F13A1: variants seen among roughly 807,000 people sequenced by gnomAD.
F13A1 encodes coagulation factor XIII A chain.
A neutral mutation model predicts 80.1 loss-of-function variants in F13A1; 47 were observed. The ratio of observed to expected loss-of-function variants is 0.59; its 90% CI spans 0.46 to 0.75. The LOEUF is 0.75. F13A1 is among the 30% of genes least tolerant of loss of function. The pLI is 0.00. For missense variants in F13A1, 817 were observed against 930.4 expected, an observed-to-expected ratio of 0.88 and a Z score of 1.59; for synonymous variants, 349 against 344.9, an observed-to-expected ratio of 1.01 and a Z score of -0.13.
chr6:6,232,725 G>T lies in F13A1; in HGVS notation c.799-7865C>A, dbSNP rs116456492. Among the ~76,000 whole-genome samples, 980 of 152,098 alleles carry T rather than the reference G, an allele frequency of 6.4e-3. 10 individuals are homozygous for T. Among genetic ancestry groups the T allele is most frequent in the African/African-American group, 0.022 (918 of 41,532 alleles). ...AGCCATAAAATGTGCTTCAATAAAT[G>T]TAAGAAAATTGGAATTATATCAAGC... On this transcript the variant is annotated intron_variant, in intron 6 of 14. Transcript: ENST00000264870.
intron 10 of F13A1, among the ~76,000 whole-genome samples, chr6:6,190,922 C>T (rs192642463): frequency 8.9e-4 from 136 of 152,294 alleles, no homozygotes; most frequent in Non-Finnish European, 1.7e-3. Flanking sequence ...GATATAATCT[C>T]GTGGTGCGCC....
intron 2 of F13A1, among the ~76,000 whole-genome samples, chr6:6,307,061 A>T (rs544262540): frequency 3.3e-5 from 5 of 152,196 alleles, no homozygotes; most frequent in Admixed American, 3.3e-4. Context: ...CAGAATCTGA[A>T]TTTTCTTATT....
At chr6:6,168,417 C>T (rs1205185606) in intron 12 of F13A1, among the ~76,000 whole-genome samples, 1 of 152,096 alleles carries the variant, frequency 6.6e-6, no homozygotes, top group East Asian at 1.9e-4. Context: ...TCTCTAACTC[C>T]CATTTCCCAC....
chr6:6,314,023 C>T (rs1412287835), intron 2 of F13A1, among the ~76,000 whole-genome samples: 1 of 140,072 alleles, frequency 7.1e-6, no homozygotes, highest in Non-Finnish European at 1.5e-5. Context: ...GTCTTATCGC[C>T]CAGGCTGGAG....
At chr6:6,185,190 T>G (rs1358388516) in intron 10 of F13A1, among the ~76,000 whole-genome samples, 2 of 151,810 alleles carry the variant, frequency 1.3e-5, no homozygotes, top group African/African-American at 4.8e-5. Flanking sequence ...GCAGGTTAGT[T>G]ACATATGTAT....
At chr6:6,150,472 A>T (rs61472364) in intron 14 of F13A1, among the ~76,000 whole-genome samples, 13,633 of 152,274 alleles carry the variant, frequency 0.09, 640 homozygotes, top group Middle Eastern at 0.15. Flanking sequence ...ATCTGCAATA[A>T]GGCATCTCTT....
At chr6:6,296,352 A>G (rs1485604643) in intron 3 of F13A1, among the ~76,000 whole-genome samples, 7 of 147,952 alleles carry the variant, frequency 4.7e-5, no homozygotes, top group Admixed American at 4.7e-4. Flanking sequence ...GGCCATTTTC[A>G]CGATATTGAT....
At chr6:6,180,533 C>T (rs76261131) in intron 11 of F13A1, among the ~76,000 whole-genome samples, 5,855 of 152,234 alleles carry the variant, frequency 0.038, 138 homozygotes, top group South Asian at 0.064. Context: ...TTTTTTGTTT[C>T]TCCAAACCTT....
At chr6:6,271,841 A>C (rs950274903) in intron 3 of F13A1, among the ~76,000 whole-genome samples, 4 of 152,208 alleles carry the variant, frequency 2.6e-5, no homozygotes, top group African/African-American at 9.6e-5. Flanking sequence ...CTATATTCGA[A>C]TGTCTCATTG....
intron 12 of F13A1, among the ~76,000 whole-genome samples, chr6:6,173,081 C>T (rs1381911043): frequency 3.3e-5 from 5 of 152,172 alleles, no homozygotes; most frequent in Non-Finnish European, 5.9e-5. Context: ...TATCGAGGTC[C>T]TTTGCAACCT....
At chr6:6,155,556 C>T (rs970077077) in intron 13 of F13A1, among the ~76,000 whole-genome samples, 3 of 152,022 alleles carry the variant, frequency 2.0e-5, no homozygotes, top group East Asian at 1.9e-4. Flanking sequence ...TCTCCTGCAC[C>T]GAGAATGTAA....
At chr6:6,214,380 C>G (rs1761681534) in intron 8 of F13A1, among the ~76,000 whole-genome samples, 1 of 149,466 alleles carries the variant, frequency 6.7e-6, no homozygotes, top group South Asian at 2.1e-4. Context: ...GAATCTCACT[C>G]AAAACCGCTC....
At position 6,289,496 on chromosome 6, in the gene F13A1, GT is replaced by G. The variant is rs539543470; in HGVS notation, c.319+15854del. Among the ~76,000 whole-genome samples, 9 of 150,694 alleles carry G rather than the reference GT, an allele frequency of 6.0e-5. No individual in the cohort carries two copies. In the South Asian group the frequency reaches 1.7e-3, roughly 28 times the overall value. ...CTTCTAGTTATAGAAGTAAACATAA[GT>G]TCCTTTGGGGGAAAAAAAGGAGGGG... On this transcript the variant is annotated intron_variant, in intron 3 of 14. Coordinates refer to ENST00000264870, the MANE Select transcript of F13A1 (RefSeq NM_000129.4).
chr6:6,237,543 T>C (rs926777213), intron 6 of F13A1, among the ~76,000 whole-genome samples: 14 of 152,190 alleles, frequency 9.2e-5, no homozygotes, highest in African/African-American at 3.4e-4. Context: ...TCTCGCTCCC[T>C]GGAATGTCCA....
intron 14 of F13A1, among the ~76,000 whole-genome samples, chr6:6,150,705 G>A (rs987558902): frequency 2.6e-5 from 4 of 152,110 alleles, no homozygotes; most frequent in Admixed American, 2.6e-4. Flanking sequence ...TGCCTTAGAA[G>A]GTCACTCCAC....
intron 3 of F13A1, among the ~76,000 whole-genome samples, chr6:6,288,447 T>C (rs1319184600): frequency 6.6e-6 from 1 of 152,226 alleles, no homozygotes; most frequent in East Asian, 1.9e-4. Flanking sequence ...GCCTGGCTTA[T>C]TTCAGTTAGC....
intron 6 of F13A1, among the ~76,000 whole-genome samples, chr6:6,230,723 A>G (rs1267838): frequency 0.56 from 85,327 of 152,060 alleles, 26,160 homozygotes; most frequent in African/African-American, 0.82. Flanking sequence ...AATAGGCGCT[A>G]TTCCGGTGGC....
intron 3 of F13A1, among the ~76,000 whole-genome samples, chr6:6,275,162 C>A (rs1757970705): frequency 1.3e-5 from 2 of 150,738 alleles, no homozygotes; most frequent in South Asian, 4.2e-4. Flanking sequence ...CTGAAGTGCT[C>A]AAGGGAGGCA....
chr6:6,240,765 G>T (rs560431301), intron 6 of F13A1, among the ~76,000 whole-genome samples: 1 of 152,264 alleles, frequency 6.6e-6, no homozygotes, highest in South Asian at 2.1e-4. Context: ...GGTGAATAAG[G>T]TGACCTTATG....
Sources: allele counts gnomAD v4.1 joint callset (sites outside exome capture counted in the v4.1 genomes callset), GRCh38; gene constraint gnomAD v4.1.1; transcripts MANE v1.5; gene names NCBI Gene and HGNC (gene_info 2026-07-23, HGNC 2026-07-21).